PPM1D: variants seen among roughly 807,000 people sequenced by gnomAD.
PPM1D encodes the protein protein phosphatase 1D.
A neutral mutation model predicts 58.3 loss-of-function variants in PPM1D; 52 were observed. The observed-to-expected ratio is 0.89, with a 90% confidence interval of 0.71 to 1.12. The LOEUF (loss-of-function observed/expected upper bound fraction) is 1.12. PPM1D is among the 50% of genes most tolerant of loss of function. The pLI is 0.00. For synonymous variants in PPM1D, 278 were observed against 285.1 expected (o/e 0.98, Z 0.25); for missense variants, 564 against 777.2 (o/e 0.73, Z 3.26).
At chr17:60,623,440 C>G in intron 1 of PPM1D, 81 bp from the exon 2 acceptor site, 1 of 1,319,890 alleles carries the variant, frequency 7.6e-7, no homozygotes, top group Non-Finnish European at 1.0e-6. Flanking sequence ...CATGCTAATT[C>G]AGAGTTTGTT....
At chr17:60,642,601 GGC>G (rs1034833009) in intron 3 of PPM1D, among the ~76,000 whole-genome samples, 1 of 152,090 alleles carries the variant, frequency 6.6e-6, no homozygotes, top group African/African-American at 2.4e-5. Flanking sequence ...TGGGACTACA[GGC>G]GTGTGCCACC....
intron 3 of PPM1D, among the ~76,000 whole-genome samples, chr17:60,643,793 T>A (rs2143694181): frequency 6.6e-6 from 1 of 152,148 alleles, no homozygotes; most frequent in South Asian, 2.1e-4. Flanking sequence ...AGTTTACCCG[T>A]TCATGAACCC....
At chr17:60,625,456 T>G (rs2030788160) in intron 2 of PPM1D, among the ~76,000 whole-genome samples, 1 of 152,244 alleles carries the variant, frequency 6.6e-6, no homozygotes, top group African/African-American at 2.4e-5. Context: ...ATCTGAACTG[T>G]GGACAAAAAT....
intron 1 of PPM1D, among the ~76,000 whole-genome samples, chr17:60,608,489 A>G (rs984354411): frequency 1.3e-5 from 2 of 152,064 alleles, no homozygotes; most frequent in Non-Finnish European, 2.9e-5. Context: ...AAAATACAAA[A>G]AATTAGCTGG....
chr17:60,617,636 G>T (rs1473806044), intron 1 of PPM1D, among the ~76,000 whole-genome samples: 1 of 151,966 alleles, frequency 6.6e-6, no homozygotes, highest in Admixed American at 6.6e-5. Flanking sequence ...GAAACATACA[G>T]TATACTCTAG....
intron 2 of PPM1D, among the ~76,000 whole-genome samples, chr17:60,627,106 G>T (rs546373591): frequency 6.6e-6 from 1 of 152,128 alleles, no homozygotes; most frequent in Non-Finnish European, 1.5e-5. Flanking sequence ...CTTTTTCCAC[G>T]TGGAAGTTTC....
chr17:60,634,937 C>T (rs768395836), intron 3 of PPM1D, among the ~76,000 whole-genome samples: 3 of 151,918 alleles, frequency 2.0e-5, no homozygotes, highest in South Asian at 2.1e-4. Context: ...TGAGCCACCA[C>T]GCCTGGCTAA....
intron 3 of PPM1D, among the ~76,000 whole-genome samples, chr17:60,641,480 A>G (rs1052268484): frequency 1.3e-5 from 2 of 152,178 alleles, no homozygotes; most frequent in African/African-American, 4.8e-5. Context: ...TACAGATTCT[A>G]GATATTAGAT....
At chr17:60,606,483 A>C (rs2030331982) in intron 1 of PPM1D, among the ~76,000 whole-genome samples, 1 of 152,192 alleles carries the variant, frequency 6.6e-6, no homozygotes, top group Non-Finnish European at 1.5e-5. Context: ...CTGTTTACAC[A>C]GCAGCTGTAC....
intron 1 of PPM1D, among the ~76,000 whole-genome samples, chr17:60,606,708 T>A (rs1308344875): frequency 1.3e-5 from 2 of 152,212 alleles, no homozygotes; most frequent in Non-Finnish European, 2.9e-5. Flanking sequence ...CTCCCAAATT[T>A]ACAAAGGAAA....
intron 1 of PPM1D, among the ~76,000 whole-genome samples, chr17:60,615,982 C>T (rs1032271361): frequency 7.2e-5 from 11 of 152,052 alleles, no homozygotes; most frequent in Admixed American, 6.6e-5. Flanking sequence ...TGAGTGACTG[C>T]ACCCAGCTAT....
rs983580828 is a variant in PPM1D at position 60,656,979 on chromosome 17, A to G, written c.1260+138A>G. On this transcript the variant is annotated intron_variant, in intron 5 of 5. Transcript: ENST00000305921. ...CAAGAAAGTGATGTAACTTATTATC[A>G]GAGAGCCATCTTTACATCAATACTA... The G allele has an allele frequency of 2.5e-6, 4 of 1,571,462 alleles. No homozygotes were observed. In the Admixed American group the frequency reaches 7.3e-5, roughly 29 times the overall value.
intron 2 of PPM1D, among the ~76,000 whole-genome samples, chr17:60,629,223 A>G (rs1336282991): frequency 6.6e-6 from 1 of 152,216 alleles, no homozygotes; most frequent in Admixed American, 6.5e-5. Context: ...TCTATTCGGA[A>G]GCACAGGCCT....
intron 4 of PPM1D, among the ~76,000 whole-genome samples, chr17:60,654,335 G>A (rs2031395782): frequency 7.3e-6 from 1 of 137,568 alleles, no homozygotes; most frequent in South Asian, 2.4e-4. Flanking sequence ...ACAGTGGTGC[G>A]ATCCCGGCTC....
intron 4 of PPM1D, among the ~76,000 whole-genome samples, chr17:60,652,066 C>T (rs912537802): frequency 1.3e-5 from 2 of 152,192 alleles, no homozygotes; most frequent in Non-Finnish European, 2.9e-5. Context: ...ATGACATTTA[C>T]TATTTGTACT....
At chr17:60,651,867 A>G (rs1209930676) in intron 4 of PPM1D, among the ~76,000 whole-genome samples, 4 of 152,222 alleles carry the variant, frequency 2.6e-5, no homozygotes, top group South Asian at 2.1e-4. Flanking sequence ...TGAAAATAAT[A>G]GAGCAGAAAT....
At position 60,664,507 on chromosome 17, in the gene PPM1D, T is replaced by C. The variant is rs1218193704; in HGVS notation, c.*955T>C. On this transcript the variant is annotated 3_prime_UTR_variant, in exon 6 of 6. Transcript: ENST00000305921. ...TGCTGAATTTGTAGTTGTTGGTTTATTTTAATGGTATGTACAAGTTGAGTA... is the reference window on the plus strand; with the variant it reads ...TGCTGAATTTGTAGTTGTTGGTTTACTTTAATGGTATGTACAAGTTGAGTA... 1 of 152,640 alleles carries C rather than the reference T, an allele frequency of 6.6e-6. No homozygotes were observed. The highest frequency in any genetic ancestry group is 1.5e-5 in the Non-Finnish European group (1 of 68,030). The allele number at this position is 152,640 out of a possible 1,614,324, so 9.5% of individuals were successfully genotyped here. A position where few individuals can be genotyped will look rare whatever the true frequency, so the allele number is the denominator to read the frequency against.
intron 2 of PPM1D, among the ~76,000 whole-genome samples, chr17:60,631,350 G>A (rs2030916268): frequency 1.4e-5 from 2 of 147,886 alleles, no homozygotes; most frequent in Admixed American, 1.3e-4. Flanking sequence ...TCTCAAAAGG[G>A]ATGGTAGGCT....
intron 1 of PPM1D, among the ~76,000 whole-genome samples, chr17:60,613,484 C>T (rs575535915): frequency 6.6e-6 from 1 of 152,384 alleles, no homozygotes; most frequent in Admixed American, 6.5e-5. Context: ...GCTCTCAGCG[C>T]CTCCTCAGCC....
Sources: gnomAD v4.1 joint callset for allele counts (sites outside exome capture counted in the v4.1 genomes callset) on GRCh38, gnomAD v4.1.1 for gene constraint, MANE v1.5 for transcripts, NCBI Gene and HGNC (gene_info 2026-07-23, HGNC 2026-07-21) for gene names.